PLIN3: variants seen among roughly 807,000 people sequenced by gnomAD.
The protein encoded by PLIN3 is perilipin 3, also known as perilipin-3.
Under a neutral mutation model 35.9 loss-of-function variants are expected in PLIN3, and 30 were observed. That is an observed-to-expected ratio of 0.84 (90% CI 0.62 to 1.13). The LOEUF is 1.13. Among genes scored for constraint, PLIN3 ranks in the 50% most tolerant of loss-of-function variants. The pLI, the probability that PLIN3 is intolerant of heterozygous loss-of-function variation, is 0.00. For synonymous variants in PLIN3, 261 were observed against 262.5 expected, an observed-to-expected ratio of 0.99 and a Z score of 0.06; for missense variants, 603 against 596.9, an observed-to-expected ratio of 1.01 and a Z score of -0.11.
chr19:4,847,695 CT>C lies in PLIN3; in HGVS notation c.829del (p.Ser277AlafsTer2). The part of the protein sequence containing the change: ...EALLQLSQVL[S>X]LMETVKQGVD... ...CCCGACCCCCTGGAACCTCACCAGG[CT>C]TAGGACCTGCGACAGCTGCAGCAGA... On this transcript the variant is annotated frameshift_variant, in exon 6 of 8. Coordinates refer to ENST00000221957, the MANE Select transcript of PLIN3 (RefSeq NM_005817.5). LOFTEE classifies it high-confidence loss of function. The C allele has an allele frequency of 6.3e-7, 1 of 1,597,332 alleles. No individual in the cohort carries two copies. The highest frequency in any genetic ancestry group is 8.5e-7 in the Non-Finnish European group (1 of 1,172,530).
intron 1 of PLIN3, among the ~76,000 whole-genome samples, chr19:4,864,655 T>A (rs1461159837): frequency 6.6e-6 from 1 of 152,064 alleles, no homozygotes; most frequent in Non-Finnish European, 1.5e-5. Context: ...ATAACATGCC[T>A]GCCTGCACCG....
At chr19:4,864,452 TTTG>T (rs201460565) in intron 1 of PLIN3, among the ~76,000 whole-genome samples, 44 of 126,390 alleles carry the variant, frequency 3.5e-4, no homozygotes, top group Admixed American at 1.1e-3. Context: ...TCAGCCGTGG[TTTG>T]TTTTTTTTTT....
intron 4 of PLIN3, among the ~76,000 whole-genome samples, chr19:4,853,699 A>T (rs1355772582): frequency 1.3e-5 from 2 of 151,954 alleles, no homozygotes; most frequent in African/African-American, 4.8e-5. Context: ...TGTAATCCTT[A>T]CTACTCAAGA....
chr19:4,865,314 C>T (rs2030812115), intron 1 of PLIN3, among the ~76,000 whole-genome samples: 1 of 151,906 alleles, frequency 6.6e-6, no homozygotes, highest in Non-Finnish European at 1.5e-5. Flanking sequence ...CATGGTGAAA[C>T]CCCATCTCTA....
At chr19:4,862,837 T>C (rs1431883925) in intron 1 of PLIN3, among the ~76,000 whole-genome samples, 1 of 152,094 alleles carries the variant, frequency 6.6e-6, no homozygotes, top group African/African-American at 2.4e-5. Context: ...GGAAACAACC[T>C]GGATGCCCAG....
At chr19:4,848,380 G>A (rs193065913) in intron 5 of PLIN3, among the ~76,000 whole-genome samples, 2 of 152,190 alleles carry the variant, frequency 1.3e-5, no homozygotes, top group African/African-American at 2.4e-5. Flanking sequence ...GCAAAACGGG[G>A]ATAAGGAAAA....
At chr19:4,852,366 C>A in intron 4 of PLIN3, 65 bp from the exon 5 acceptor site, 2 of 1,550,900 alleles carry the variant, frequency 1.3e-6, no homozygotes, top group Non-Finnish European at 1.7e-6. Flanking sequence ...CTCCCCTGCA[C>A]CCCAACTTCC....
intron 7 of PLIN3, among the ~76,000 whole-genome samples, chr19:4,841,556 T>C (rs2029891797): frequency 6.6e-6 from 1 of 150,852 alleles, no homozygotes; most frequent in East Asian, 1.9e-4. Context: ...GTGTATGCTT[T>C]AAATGCGTGA....
At chr19:4,844,135 A>T (rs2030002132) in intron 7 of PLIN3, among the ~76,000 whole-genome samples, 1 of 151,912 alleles carries the variant, frequency 6.6e-6, no homozygotes, top group Non-Finnish European at 1.5e-5. Context: ...AAGGCTTGAG[A>T]TAGAGTGGAG....
intron 6 of PLIN3, among the ~76,000 whole-genome samples, chr19:4,845,994 G>A (rs1313500626): frequency 6.6e-6 from 1 of 150,720 alleles, no homozygotes. Context: ...GGAGGCCGAG[G>A]CGGGCGGATC....
intron 1 of PLIN3, among the ~76,000 whole-genome samples, chr19:4,865,703 T>C (rs1368758431): frequency 2.0e-5 from 3 of 151,222 alleles, no homozygotes; most frequent in African/African-American, 4.9e-5. Context: ...GGAGTCCAGA[T>C]TGGGTTCTTT....
intron 1 of PLIN3, among the ~76,000 whole-genome samples, chr19:4,867,327 T>C (rs2146222532): frequency 6.6e-6 from 1 of 152,296 alleles, no homozygotes; most frequent in Middle Eastern, 3.4e-3. Context: ...GGGGGCGGTA[T>C]TTAGCCCACC....
chr19:4,843,510 A>AAAAAAAAAAAAAAAAT (rs1555733213), intron 7 of PLIN3, among the ~76,000 whole-genome samples: 3 of 139,436 alleles, frequency 2.2e-5, no homozygotes, highest in Admixed American at 1.5e-4. Flanking sequence ...TCCATCTCAA[A>AAAAAAAAAAAAAAAAT]AAATAAATAA....
intron 4 of PLIN3, among the ~76,000 whole-genome samples, chr19:4,853,490 C>A (rs1284425427): frequency 1.3e-5 from 2 of 151,524 alleles, no homozygotes; most frequent in African/African-American, 4.8e-5. Context: ...CATGCCGAGC[C>A]GATTTTTGTA....
intron 1 of PLIN3, among the ~76,000 whole-genome samples, chr19:4,864,772 G>A (rs978845520): frequency 6.6e-6 from 1 of 152,164 alleles, no homozygotes; most frequent in African/African-American, 2.4e-5. Flanking sequence ...CTAGTGAAAT[G>A]AAGCTGGGAC....
intron 6 of PLIN3, 35 bp from the exon 7 acceptor site, chr19:4,844,828 C>T: frequency 6.4e-7 from 1 of 1,563,548 alleles, no homozygotes. Context: ...GGGAAGGAGG[C>T]TCCCCTGGGA....
intron 7 of PLIN3, among the ~76,000 whole-genome samples, chr19:4,843,322 C>T (rs192397496): frequency 9.6e-4 from 146 of 151,842 alleles, no homozygotes; most frequent in South Asian, 1.0e-3. Flanking sequence ...CCGGGTAACA[C>T]GGTGAAATCG....
At chr19:4,843,277 C>CA (rs2029966480) in intron 7 of PLIN3, among the ~76,000 whole-genome samples, 1 of 150,810 alleles carries the variant, frequency 6.6e-6, no homozygotes, top group Non-Finnish European at 1.5e-5. Context: ...GAGGCCGAGG[C>CA]GGGCGGATCA....
At position 4,844,121 on chromosome 19, in the gene PLIN3, G is replaced by A. The variant is rs1340735027; in HGVS notation, c.960+547C>T. 2.6e-5 allele frequency among the ~76,000 whole-genome samples: 4 copies of A among 152,128 alleles called. No individual in the cohort carries two copies. In the East Asian group the frequency reaches 5.8e-4, roughly 22 times the overall value. ...GCGAGACCCATTAGAGAACACAAGA[G>A]GCCAAGGCTTGAGATAGAGTGGAGG... is the stretch of plus-strand genomic sequence containing the variant. On this transcript the variant is annotated intron_variant, in intron 7 of 7. Coordinates refer to ENST00000221957, the MANE Select transcript of PLIN3 (RefSeq NM_005817.5).
Sources: gnomAD v4.1 joint callset for allele counts (sites outside exome capture counted in the v4.1 genomes callset) on GRCh38, gnomAD v4.1.1 for gene constraint, MANE v1.5 for transcripts, NCBI Gene and HGNC (gene_info 2026-07-23, HGNC 2026-07-21) for gene names.